Variants in PCDHGA3 observed in about 807,000 individuals in gnomAD.
PCDHGA3 encodes the protein protocadherin gamma-A3.
PCDHGA3 carries 40 observed loss-of-function variants against 58.5 expected under a neutral mutation model. The ratio of observed to expected loss-of-function variants is 0.68; its 90% confidence interval spans 0.53 to 0.89. The LOEUF is 0.89. Among genes scored for constraint, PCDHGA3 ranks in the 40% least tolerant of loss-of-function variants. PCDHGA3 has a pLI of 0.00. For missense variants in PCDHGA3, 1,223 were observed against 1,195.9 expected, an observed-to-expected ratio of 1.02 and a Z score of -0.33; for synonymous variants, 530 against 525.7, an observed-to-expected ratio of 1.01 and a Z score of -0.11.
rs2095194600 is a variant in PCDHGA3 at position 141,408,919 on chromosome 5, C to T, written c.2424+62462C>T. On this transcript the variant is annotated intron_variant, in intron 1 of 3. Transcript: ENST00000253812. The stretch of plus-strand genomic sequence containing the variant: ...CTGTCAAGGATACCAATGATAACCC[C>T]CCGGTTTTCAGCAGAGACGAATATA... 2.5e-6 allele frequency: 4 copies of T among 1,613,346 alleles called. No individual in the cohort carries two copies. The African/African-American group carries it at 4.0e-5, about 16-fold the overall frequency.
intron 1 of PCDHGA3, chr5:141,361,636 A>C (rs767493690): frequency 3.1e-6 from 5 of 1,613,756 alleles, no homozygotes; most frequent in East Asian, 2.2e-5. Flanking sequence ...GCCGCGGGAG[A>C]TTTTATCCTA....
intron 1 of PCDHGA3, among the ~76,000 whole-genome samples, chr5:141,363,031 T>C (rs1425666122): frequency 6.6e-6 from 1 of 152,248 alleles, no homozygotes; most frequent in Non-Finnish European, 1.5e-5. Context: ...CATTGTCCCA[T>C]TGACTTGAAG....
rs1362496624 is a variant in PCDHGA3, at chr5:141,432,370, C to T, written c.2425-62437C>T. On this transcript the variant is annotated intron_variant, in intron 1 of 3. Coordinates refer to ENST00000253812, the MANE Select transcript of PCDHGA3 (RefSeq NM_018916.4). This position sits in a 1 kb window ranked among gnomAD's most constrained non-coding sequence, Gnocchi z 6.0. ...AAGTGAAAGTGATGGCGCGGGACAA[C>T]GGGCACCCGCCCCTCAGCAGCAACG... The T allele has an allele frequency of 6.2e-7, 1 of 1,614,240 alleles. No individual in the cohort carries two copies. Among genetic ancestry groups the T allele is most frequent in the Non-Finnish European group, 8.5e-7 (1 of 1,180,048 alleles).
chr5:141,392,194 T>C (rs1486735796), intron 1 of PCDHGA3: 1 of 152,238 alleles, frequency 6.6e-6, no homozygotes, highest in East Asian at 1.9e-4. Context: ...TCTATTTTAG[T>C]CTCAAGATAA....
At chr5:141,423,702 C>T in intron 1 of PCDHGA3, 4 of 1,340,970 alleles carry the variant, frequency 3.0e-6, no homozygotes, top group South Asian at 1.6e-5. Flanking sequence ...GGTGTCTTGG[C>T]ACAAGTCTTT....
chr5:141,355,899 G>A (rs1312662516), intron 1 of PCDHGA3: 1 of 1,613,612 alleles, frequency 6.2e-7, no homozygotes, highest in Admixed American at 1.7e-5. Context: ...TAATACTTGT[G>A]GATACCAACG....
In PCDHGA3 at chr5:141,432,129, A is replaced by T. The variant is rs758099753; in HGVS notation, c.2425-62678A>T. The T allele has an allele frequency of 6.2e-6, 10 of 1,614,054 alleles. No individual in the cohort carries two copies. In the South Asian group the frequency reaches 8.8e-5, roughly 14 times the overall value. On this transcript the variant is annotated intron_variant, in intron 1 of 3. Transcript: ENST00000253812. This position sits in a 1 kb window ranked among gnomAD's most constrained non-coding sequence, Gnocchi z 6.0. ...CCGCCGGTCTTCCCTCAGGCCTCCTATTCCGCTTATATCCCAGAGAACAAT... is the reference window on the plus strand; with the variant it reads ...CCGCCGGTCTTCCCTCAGGCCTCCTTTTCCGCTTATATCCCAGAGAACAAT...
Position 141,405,419 on chromosome 5 carries a change from TTTG to T in PCDHGA3, c.2424+58965_2424+58967del, listed in dbSNP as rs372094745. On this transcript the variant is annotated intron_variant, in intron 1 of 3. Transcript: ENST00000253812. ...CTTTCTTTCTTTTCTTTTTTTGTTT[TTTG>T]TTTTGTTTTGTTTTTGAGACAGAGT... The T allele has an allele frequency of 6.8e-4, 1,019 of 1,509,010 alleles. 10 individuals are homozygous for T. In the African/African-American group the frequency reaches 0.012, roughly 18 times the overall value. The allele number at this position is 1,509,010 out of a possible 1,614,324, so 93.5% of individuals were successfully genotyped here.
chr5:141,461,647 C>T (rs1242234255), intron 1 of PCDHGA3, among the ~76,000 whole-genome samples: 3 of 152,006 alleles, frequency 2.0e-5, no homozygotes, highest in Non-Finnish European at 4.4e-5. Context: ...TTCTTTGACC[C>T]ATGGATTATT....
chr5:141,376,067 G>A (rs766311632), intron 1 of PCDHGA3: 4 of 1,613,402 alleles, frequency 2.5e-6, no homozygotes, highest in Non-Finnish European at 3.4e-6. Context: ...CACGCTCACC[G>A]TGGCCGTGGC....
intron 2 of PCDHGA3, among the ~76,000 whole-genome samples, chr5:141,503,269 C>A (rs1161751693): frequency 6.6e-6 from 1 of 152,116 alleles, no homozygotes; most frequent in Non-Finnish European, 1.5e-5. Context: ...ACCCCAGCAC[C>A]TGGCTCTGTG....
chr5:141,418,125 G>C, intron 1 of PCDHGA3: 1 of 1,614,086 alleles, frequency 6.2e-7, no homozygotes. Flanking sequence ...GTGAAGGACC[G>C]AATAGACCGT....
chr5:141,482,126 A>G (rs1235540230), intron 1 of PCDHGA3, among the ~76,000 whole-genome samples: 1 of 152,004 alleles, frequency 6.6e-6, no homozygotes, highest in Non-Finnish European at 1.5e-5. Flanking sequence ...TGGGAGAATC[A>G]TATGGCTGGC....
At chr5:141,371,673 A>G in intron 1 of PCDHGA3, 1 of 1,614,030 alleles carries the variant, frequency 6.2e-7, no homozygotes, top group Non-Finnish European at 8.5e-7. Flanking sequence ...AGCTACCGAC[A>G]AAGGCAATCC....
intron 1 of PCDHGA3, among the ~76,000 whole-genome samples, chr5:141,362,788 C>T (rs1395369967): frequency 6.6e-6 from 1 of 152,198 alleles, no homozygotes; most frequent in East Asian, 1.9e-4. Flanking sequence ...ATTTCTTTTT[C>T]TTCCTCATCT....
rs1416393791 is a variant in PCDHGA3 at position 141,346,609 on chromosome 5, G to T, written c.2424+152G>T. 6.0e-6 allele frequency: 7 copies of T among 1,166,324 alleles called. No individual in the cohort carries two copies. In the Admixed American group the frequency reaches 1.0e-4, roughly 17 times the overall value. 72.2% of individuals were successfully genotyped at this position (1,166,324 alleles called of 1,614,324 possible). ...GTCCCCCTTTCTTTCTGGGCCTATA[G>T]TAGGACTGCACTCCCCGGTCTGGTT... On this transcript the variant is annotated intron_variant, in intron 1 of 3. Transcript: ENST00000253812.
chr5:141,366,800 C>T (rs1243230147), intron 1 of PCDHGA3: 5 of 1,565,238 alleles, frequency 3.2e-6, no homozygotes, highest in Non-Finnish European at 4.3e-6. Context: ...TCATTTGTTT[C>T]CTTTTTCATG....
At chr5:141,400,217 T>A (rs771117256) in intron 1 of PCDHGA3, 1 of 1,613,916 alleles carries the variant, frequency 6.2e-7, no homozygotes, top group Non-Finnish European at 8.5e-7. Flanking sequence ...TTGATCTCAG[T>A]GCTCTTCCTC....
chr5:141,364,391 G>C, intron 1 of PCDHGA3: 1 of 1,602,644 alleles, frequency 6.2e-7, no homozygotes. Context: ...CATGCTCCTG[G>C]GGACGCTGTG....
Sources: gnomAD v4.1 joint callset for allele counts (sites outside exome capture counted in the v4.1 genomes callset) on GRCh38, gnomAD v4.1.1 for gene constraint, Gnocchi (gnomAD v3.1) non-coding constraint, MANE v1.5 for transcripts, NCBI Gene and HGNC (gene_info 2026-07-23, HGNC 2026-07-21) for gene names.